BICD1: variants seen among roughly 807,000 people sequenced by gnomAD.
BICD1 encodes BICD cargo adaptor 1.
Under a neutral mutation model 92.5 loss-of-function variants are expected in BICD1, and 35 were observed. The ratio of observed to expected loss-of-function variants is 0.38; its 90% confidence interval spans 0.29 to 0.50. The LOEUF (loss-of-function observed/expected upper bound fraction) is 0.50, where lower values mean the gene tolerates loss of function less well. Among genes scored for constraint, BICD1 ranks in the 20% least tolerant of loss-of-function variants. The probability of loss-of-function intolerance (pLI) is 0.93; values close to 1 mark genes in which losing one functional copy is unlikely to be tolerated. For synonymous variants in BICD1, 429 were observed against 465.1 expected (o/e 0.92, Z 1.00); for missense variants, 950 against 1,189.8 (o/e 0.80, Z 2.97).
chr12:32,320,558 C>T (rs1401671683), intron 4 of BICD1, among the ~76,000 whole-genome samples: 2 of 152,120 alleles, frequency 1.3e-5, no homozygotes, highest in East Asian at 3.9e-4. Context: ...AGGAGAATTG[C>T]TTGAACTGGG....
At chr12:32,306,347 G>A (rs112293300) in intron 4 of BICD1, among the ~76,000 whole-genome samples, 10 of 152,038 alleles carry the variant, frequency 6.6e-5, no homozygotes. Context: ...AGGTTCAAGT[G>A]ATTCTCCTGC....
chr12:32,300,170 C>T (rs914375720), intron 3 of BICD1, among the ~76,000 whole-genome samples: 1 of 151,730 alleles, frequency 6.6e-6, no homozygotes, highest in Non-Finnish European at 1.5e-5. Flanking sequence ...GGTGCGATCT[C>T]AGCTCACTGC....
chr12:32,301,148 T>C (rs1487797916), intron 3 of BICD1, among the ~76,000 whole-genome samples: 1 of 152,182 alleles, frequency 6.6e-6, no homozygotes, highest in Non-Finnish European at 1.5e-5. Flanking sequence ...TAAATCATGT[T>C]GAGCATGCGT....
At chr12:32,155,104 TTAATAAATG>T (rs1943401024) in intron 1 of BICD1, among the ~76,000 whole-genome samples, 2 of 152,232 alleles carry the variant, frequency 1.3e-5, no homozygotes, top group African/African-American at 4.8e-5. Context: ...ATTTTTGCAG[TTAATAAATG>T]TATTTTAAGT....
intron 1 of BICD1, among the ~76,000 whole-genome samples, chr12:32,199,622 C>G (rs890296157): frequency 1.4e-4 from 21 of 152,316 alleles, no homozygotes; most frequent in African/African-American, 4.8e-4. Context: ...AGTGTGCATT[C>G]ATCTAAAGAC....
intron 1 of BICD1, chr12:32,108,761 A>G: frequency 1.6e-6 from 1 of 635,298 alleles, no homozygotes. Context: ...CTGTCTACCA[A>G]AAAATAAATG....
At chr12:32,129,247 G>A (rs944822774) in intron 1 of BICD1, among the ~76,000 whole-genome samples, 1 of 151,126 alleles carries the variant, frequency 6.6e-6, no homozygotes, top group Non-Finnish European at 1.5e-5. Flanking sequence ...TTTGTAGGCC[G>A]GGCATGGTGG....
chr12:32,179,040 G>A (rs60994230), intron 1 of BICD1, among the ~76,000 whole-genome samples: 5,508 of 152,030 alleles, frequency 0.036, 346 homozygotes, highest in African/African-American at 0.12. Context: ...TTCCACATAC[G>A]ATAGGACAGG....
At chr12:32,229,813 A>G (rs982105989) in intron 2 of BICD1, among the ~76,000 whole-genome samples, 2 of 152,196 alleles carry the variant, frequency 1.3e-5, no homozygotes, top group African/African-American at 4.8e-5. Context: ...GATGGAAGAA[A>G]TAACATTTGT....
intron 9 of BICD1, among the ~76,000 whole-genome samples, chr12:32,371,972 C>T (rs928222730): frequency 2.6e-5 from 4 of 152,256 alleles, no homozygotes; most frequent in African/African-American, 9.6e-5. Flanking sequence ...CACAACTGAG[C>T]CTAGTGACTC....
At chr12:32,246,054 A>C (rs111902690) in intron 2 of BICD1, among the ~76,000 whole-genome samples, 1 of 140,906 alleles carries the variant, frequency 7.1e-6, no homozygotes, top group Non-Finnish European at 1.5e-5. Context: ...AAAAAAAAAA[A>C]GGAAAAAGGA....
intron 8 of BICD1, chr12:32,353,536 C>T (rs1038403272): frequency 2.7e-5 from 4 of 149,426 alleles, no homozygotes; most frequent in African/African-American, 4.9e-5. Flanking sequence ...AAGAAGATGC[C>T]CTGAACCTCT....
At chr12:32,119,594 G>A (rs957893654) in intron 1 of BICD1, among the ~76,000 whole-genome samples, 3 of 152,064 alleles carry the variant, frequency 2.0e-5, no homozygotes, top group African/African-American at 4.8e-5. Context: ...ATCTAGTTCC[G>A]GGTGCAGTGG....
intron 1 of BICD1, among the ~76,000 whole-genome samples, chr12:32,137,269 A>G (rs1942764234): frequency 6.6e-6 from 1 of 151,944 alleles, no homozygotes; most frequent in African/African-American, 2.4e-5. Context: ...TTGTATTTTT[A>G]GTAGAGACAG....
intron 1 of BICD1, among the ~76,000 whole-genome samples, chr12:32,142,489 T>TCTATCTATC (rs1232548203): frequency 7.9e-5 from 4 of 50,716 alleles, no homozygotes; most frequent in Non-Finnish European, 1.7e-4. Context: ...TATCTATCTA[T>TCTATCTATC]TGGTCTATCT....
At chr12:32,192,453 A>ATAGATAGATAGATAG (rs1565577520) in intron 1 of BICD1, among the ~76,000 whole-genome samples, 1 of 149,068 alleles carries the variant, frequency 6.7e-6, no homozygotes, top group African/African-American at 2.5e-5. Context: ...TAAATAAATA[A>ATAGATAGATAGATAG]ATAGATAGAT....
chr12:32,336,399 G>T (rs1394561274), intron 6 of BICD1, among the ~76,000 whole-genome samples: 2 of 152,170 alleles, frequency 1.3e-5, no homozygotes, highest in South Asian at 2.1e-4. Context: ...ACAGCCTGCT[G>T]TATCTGTATG....
rs373580131 is a variant in BICD1 at position 32,284,644 on chromosome 12, C to T, written c.427-9350C>T. Among the ~76,000 whole-genome samples the T allele has an allele frequency of 1.9e-3, 288 of 152,308 alleles. 1 individual carries two copies. The highest frequency in any genetic ancestry group is 0.014 in the South Asian group (66 of 4,828). On this transcript the variant is annotated intron_variant, in intron 2 of 9. Transcript: ENST00000652176. ...CTCTCAACAGAGTCACTTGGCAAAA[C>T]GTAGGTCTGATCGTGTGGCTGTTTT...
chr12:32,319,581 G>GT (rs1282146519), intron 4 of BICD1, among the ~76,000 whole-genome samples: 11 of 149,784 alleles, frequency 7.3e-5, no homozygotes, highest in East Asian at 3.9e-4. Flanking sequence ...TTTTAGTTTC[G>GT]TTTTTTTTTC....
Sources: gnomAD v4.1 joint callset for allele counts (sites outside exome capture counted in the v4.1 genomes callset) on GRCh38, gnomAD v4.1.1 for gene constraint, MANE v1.5 for transcripts, NCBI Gene and HGNC (gene_info 2026-07-23, HGNC 2026-07-21) for gene names.